CDHR3: variants seen among roughly 807,000 people sequenced by gnomAD.
The protein encoded by CDHR3 is cadherin-related family member 3.
A neutral mutation model predicts 86.6 loss-of-function variants in CDHR3; 79 were observed. The ratio of observed to expected loss-of-function variants is 0.91; its 90% CI spans 0.76 to 1.10. CDHR3 has a LOEUF of 1.10. Among genes scored for constraint, CDHR3 ranks in the 50% least tolerant of loss-of-function variants. CDHR3 has a pLI of 0.00. For synonymous variants in CDHR3, 421 were observed against 402.4 expected (o/e 1.05, Z -0.55); for missense variants, 1,081 against 1,077.6 (o/e 1.00, Z -0.04).
Position 106,022,466 on chromosome 7 carries a change from T to C in CDHR3, c.2076+18T>C. The C allele has an allele frequency of 6.2e-7, 1 of 1,609,716 alleles. No individual in the cohort carries two copies. The highest frequency in any genetic ancestry group is 2.2e-5 in the East Asian group (1 of 44,842). Reference sequence around the variant, plus strand: ...CCCCCAGGGTAAGGGCTTTAGGACCTGGAATCCCCAGGCACATTCCCTTGT... The same window carrying C: ...CCCCCAGGGTAAGGGCTTTAGGACCCGGAATCCCCAGGCACATTCCCTTGT... On this transcript the variant is annotated intron_variant, in intron 14 of 18. Transcript: ENST00000317716.
At position 106,030,972 on chromosome 7, in the gene CDHR3, C is replaced by T; in HGVS notation, c.2353+132C>T. The T allele has an allele frequency of 1.2e-6, 1 of 826,894 alleles. No individual in the cohort carries two copies. Among genetic ancestry groups the T allele is most frequent in the Non-Finnish European group, 2.0e-6 (1 of 508,844 alleles). 51.2% of individuals were successfully genotyped at this position (826,894 alleles called of 1,614,324 possible). On this transcript the variant is annotated intron_variant, in intron 18 of 18. Coordinates refer to ENST00000317716, the MANE Select transcript of CDHR3 (RefSeq NM_152750.5). The surrounding 1 kb of genome is among the most constrained non-coding windows in gnomAD (Gnocchi z 4.8). ...GTTTGGCTATGTTGCCTATATAGTG[C>T]TGACTCTTCTAGGCTAAATACAACG...
At position 106,020,475 on chromosome 7, in the gene CDHR3, C is replaced by T. The variant is rs751069300; in HGVS notation, c.1756C>T (p.Gln586Ter). 1.5e-4 allele frequency: 237 copies of T among 1,613,856 alleles called. No individual in the cohort carries two copies. Among genetic ancestry groups the T allele is most frequent in the Non-Finnish European group, 2.0e-4 (234 of 1,179,884 alleles). The change falls in exon 13 of 19, where the codon CAG becomes TAG. Residue 586 changes from glutamine to a stop codon, truncating the protein, a stop_gained. Coordinates refer to ENST00000317716, the MANE Select transcript of CDHR3 (RefSeq NM_152750.5). LOFTEE classifies it high-confidence loss of function. ...GGATCTGAAAGTTGGCACAAATATT[C>T]AGAATTTCAAGCTGACATGTACCGA... ...PVDLKVGTNI[Q>*]NFKLTCTDLD... is the part of the protein sequence containing the mutation.
At chr7:106,016,061 C>T (rs367735596) in intron 11 of CDHR3, 36 bp downstream of exon 11, 6 of 1,362,250 alleles carry the variant, frequency 4.4e-6, no homozygotes, top group Non-Finnish European at 6.2e-6. Context: ...AGAGTGCTGT[C>T]AATGGACTCC....
rs927618718 is a variant in CDHR3 at position 106,004,913 on chromosome 7, C to A, written c.1052+226C>A. Reference sequence around the variant, plus strand: ...CTTCATTATCTCCCTTGTTCACTTTCTTACTCTTAAGAATTATTTTTTATT... The same window carrying A: ...CTTCATTATCTCCCTTGTTCACTTTATTACTCTTAAGAATTATTTTTTATT... On this transcript the variant is annotated intron_variant, in intron 8 of 18. Transcript: ENST00000317716. The A allele has an allele frequency of 1.2e-5, 7 of 565,356 alleles. No homozygotes were observed. The South Asian group carries it at 1.4e-4, about 11-fold the overall frequency. 35.0% of individuals were successfully genotyped at this position (565,356 alleles called of 1,614,324 possible). A position where few individuals can be genotyped will look rare whatever the true frequency, so the allele number is the denominator to read the frequency against.
chr7:106,022,348 C>A lies in CDHR3; in HGVS notation c.1976C>A (p.Ser659Tyr). 7 of 1,614,018 alleles carry A rather than the reference C, an allele frequency of 4.3e-6. No individual in the cohort carries two copies. Among genetic ancestry groups the A allele is most frequent in the Non-Finnish European group, 5.9e-6 (7 of 1,179,900 alleles). The change falls in exon 14 of 19, where the codon TCT becomes TAT. Residue 659 changes from serine to tyrosine, a missense_variant. Physicochemically the swap from Ser to Tyr is moderately radical, Grantham distance 144. Coordinates refer to ENST00000317716, the MANE Select transcript of CDHR3 (RefSeq NM_152750.5). The part of the protein sequence containing the change: ...LVYVTDDNLM[S>Y]DRKKAEALVE... Reference sequence around the variant, plus strand: ...TACGTAACTGATGACAACTTGATGTCTGACAGGAAGAAAGCGGAGGCTCTT... The same window carrying A: ...TACGTAACTGATGACAACTTGATGTATGACAGGAAGAAAGCGGAGGCTCTT...
Position 106,004,703 on chromosome 7 carries a change from A to C in CDHR3, c.1052+16A>C. 6.2e-7 allele frequency: 1 copy of C among 1,613,628 alleles called. No homozygotes were observed. Reference sequence around the variant, plus strand: ...TCACCTTCAGGTATGCACACTTTGAAAGTTGGGCTGGACATTCTATCTCTT... The same window carrying C: ...TCACCTTCAGGTATGCACACTTTGACAGTTGGGCTGGACATTCTATCTCTT... On this transcript the variant is annotated intron_variant, in intron 8 of 18. Coordinates refer to ENST00000317716, the MANE Select transcript of CDHR3 (RefSeq NM_152750.5).
chr7:106,022,342 T>G lies in CDHR3; in HGVS notation c.1970T>G (p.Leu657Trp). 6.2e-7 allele frequency: 1 copy of G among 1,613,990 alleles called. No homozygotes were observed. Among genetic ancestry groups the G allele is most frequent in the South Asian group, 1.1e-5 (1 of 91,082 alleles). ...KLLVYVTDDN[L>W]MSDRKKAEAL... ...CTTGTCTACGTAACTGATGACAACTTGATGTCTGACAGGAAGAAAGCGGAG... is the reference window on the plus strand; with the variant it reads ...CTTGTCTACGTAACTGATGACAACTGGATGTCTGACAGGAAGAAAGCGGAG... Residue 657 changes from leucine to tryptophan, a missense_variant, in exon 14 of 19, where the codon TTG becomes TGG. Coordinates refer to ENST00000317716, the MANE Select transcript of CDHR3 (RefSeq NM_152750.5).
chr7:106,013,991 C>T (rs1000778160), intron 9 of CDHR3, among the ~76,000 whole-genome samples: 1 of 152,076 alleles, frequency 6.6e-6, no homozygotes, highest in Non-Finnish European at 1.5e-5. Context: ...GACCATGTCT[C>T]GCTCTGTCAC....
intron 4 of CDHR3, among the ~76,000 whole-genome samples, chr7:105,990,062 G>C (rs187561354): frequency 6.6e-6 from 1 of 152,150 alleles, no homozygotes; most frequent in African/African-American, 2.4e-5. Context: ...GTCACTGCTG[G>C]CTGTTTGCAT....
intron 1 of CDHR3, among the ~76,000 whole-genome samples, chr7:105,968,715 C>T (rs1473994877): frequency 1.3e-5 from 2 of 152,156 alleles, no homozygotes; most frequent in African/African-American, 2.4e-5. Flanking sequence ...TTTCCATAGG[C>T]CTGATATTAG....
chr7:106,029,548 G>GTCTCTCTC (rs59823993), intron 17 of CDHR3, among the ~76,000 whole-genome samples: 87 of 147,170 alleles, frequency 5.9e-4, no homozygotes, highest in African/African-American at 1.9e-3. Flanking sequence ...CTCCACCTCT[G>GTCTCTCTC]TCTCTCTCTC....
At chr7:105,976,757 G>A (rs190686119) in intron 2 of CDHR3, among the ~76,000 whole-genome samples, 1 of 152,226 alleles carries the variant, frequency 6.6e-6, no homozygotes, top group Admixed American at 6.5e-5. Flanking sequence ...GGTTCCAAGG[G>A]TCACCCATGT....
intron 4 of CDHR3, among the ~76,000 whole-genome samples, chr7:105,993,693 AAAAAAAAAAAAAG>A (rs1831733807): frequency 8.8e-6 from 1 of 113,236 alleles, no homozygotes; most frequent in Non-Finnish European, 2.0e-5. Context: ...AAAAAAAAAA[AAAAAAAAAAAAAG>A]AAGAAGAAGA....
intron 4 of CDHR3, among the ~76,000 whole-genome samples, chr7:105,991,482 C>CT (rs1437468254): frequency 6.6e-6 from 1 of 152,164 alleles, no homozygotes; most frequent in African/African-American, 2.4e-5. Context: ...TCTCCACATC[C>CT]TTTTTATCTG....
chr7:105,994,747 TTAG>T lies in CDHR3; in HGVS notation c.514-1_515del. On this transcript the variant is annotated splice_acceptor_variant and splice_polypyrimidine_tract_variant and intron_variant, in intron 4 of 18. Transcript: ENST00000317716. LOFTEE classifies it high-confidence loss of function. ...TTCATCAATTTTTTTCCCTTGTTTTTTAGTATTTCCTGATTTCTCCCCCAAAGA... is the reference window on the plus strand; with the variant it reads ...TTCATCAATTTTTTTCCCTTGTTTTTTATTTCCTGATTTCTCCCCCAAAGA... The T allele has an allele frequency of 6.2e-7, 1 of 1,605,574 alleles. No homozygotes were observed. Among genetic ancestry groups the T allele is most frequent in the East Asian group, 2.2e-5 (1 of 44,750 alleles).
At chr7:106,018,483 G>A (rs568139951) in intron 12 of CDHR3, among the ~76,000 whole-genome samples, 34 of 152,160 alleles carry the variant, frequency 2.2e-4, no homozygotes, top group Non-Finnish European at 4.0e-4. Flanking sequence ...TAATCCACTC[G>A]CCTCAGCCTC....
chr7:105,982,076 A>G (rs1198046053), intron 3 of CDHR3, among the ~76,000 whole-genome samples: 1 of 152,038 alleles, frequency 6.6e-6, no homozygotes, highest in Non-Finnish European at 1.5e-5. Context: ...TCCATACTGC[A>G]GTCAGAGGGA....
intron 14 of CDHR3, among the ~76,000 whole-genome samples, 158 bp downstream of exon 14, chr7:106,022,606 C>A (rs1317648611): frequency 1.3e-5 from 2 of 152,144 alleles, no homozygotes; most frequent in Non-Finnish European, 2.9e-5. Context: ...GGAGTAGCTG[C>A]AGGGTGGCAA....
intron 6 of CDHR3, among the ~76,000 whole-genome samples, chr7:105,999,012 G>A (rs555808475): frequency 1.3e-5 from 2 of 152,318 alleles, no homozygotes; most frequent in Non-Finnish European, 2.9e-5. Context: ...TCATAGTGGT[G>A]AAGCCATCCA....
Sources: allele counts gnomAD v4.1 joint callset (sites outside exome capture counted in the v4.1 genomes callset), GRCh38; gene constraint gnomAD v4.1.1; non-coding constraint Gnocchi (gnomAD v3.1); transcripts MANE v1.5; gene names NCBI Gene and HGNC (gene_info 2026-07-23, HGNC 2026-07-21).